Variants in KCND2 observed in about 807,000 individuals in gnomAD.
KCND2 encodes the protein potassium voltage-gated channel subfamily D member 2.
A neutral mutation model predicts 54.4 loss-of-function variants in KCND2; 16 were observed. That is an observed-to-expected ratio of 0.29 (90% CI 0.20 to 0.45). The LOEUF (loss-of-function observed/expected upper bound fraction) is 0.45. KCND2 is among the 20% of genes least tolerant of loss of function. The probability of loss-of-function intolerance (pLI) is 1.00; values close to 1 mark genes in which losing one functional copy is unlikely to be tolerated. For missense variants in KCND2, 486 were observed against 824.2 expected (o/e 0.59, Z 5.02); for synonymous variants, 317 against 310.7 (o/e 1.02, Z -0.21).
chr7:120,446,559 CACACAT>C (rs3067071), intron 1 of KCND2, among the ~76,000 whole-genome samples: 39,155 of 151,060 alleles, frequency 0.26, 7,025 homozygotes, highest in East Asian at 0.55. Flanking sequence ...CACACACACA[CACACAT>C]ACACATACAC....
At chr7:120,566,811 GAC>G (rs1792304561) in intron 1 of KCND2, among the ~76,000 whole-genome samples, 1 of 151,586 alleles carries the variant, frequency 6.6e-6, no homozygotes, top group Non-Finnish European at 1.5e-5. Flanking sequence ...TTTTTGTTAA[GAC>G]ACTGTTAATT....
chr7:120,307,802 G>A (rs141443472), intron 1 of KCND2, among the ~76,000 whole-genome samples: 4,020 of 152,166 alleles, frequency 0.026, 81 homozygotes, highest in Middle Eastern at 0.058. Context: ...ACTAGACACC[G>A]TGAATATTCT....
intron 1 of KCND2, among the ~76,000 whole-genome samples, chr7:120,298,101 T>C (rs1799535971): frequency 6.6e-6 from 1 of 152,204 alleles, no homozygotes; most frequent in African/African-American, 2.4e-5. Flanking sequence ...GCTGCTATGT[T>C]GGATAGATCC....
intron 1 of KCND2, among the ~76,000 whole-genome samples, chr7:120,314,328 A>AT (rs1799782491): frequency 6.7e-6 from 1 of 148,978 alleles, no homozygotes; most frequent in Admixed American, 6.6e-5. Context: ...GCAAGACTCC[A>AT]TCTCAAAAAA....
intron 1 of KCND2, among the ~76,000 whole-genome samples, chr7:120,443,588 A>T (rs1398818855): frequency 6.6e-6 from 1 of 151,928 alleles, no homozygotes; most frequent in African/African-American, 2.4e-5. Context: ...TTCTTGAATC[A>T]TATGATTCCT....
chr7:120,625,256 T>G (rs940645517), intron 1 of KCND2, among the ~76,000 whole-genome samples: 2 of 152,118 alleles, frequency 1.3e-5, no homozygotes, highest in Non-Finnish European at 2.9e-5. Context: ...AAAAACATAG[T>G]AAAATAGCAA....
intron 1 of KCND2, among the ~76,000 whole-genome samples, chr7:120,631,434 T>G (rs969899428): frequency 6.6e-6 from 1 of 152,080 alleles, no homozygotes; most frequent in Admixed American, 6.6e-5. Flanking sequence ...TTGTGAAGGC[T>G]TAAGATAATG....
intron 1 of KCND2, among the ~76,000 whole-genome samples, chr7:120,717,825 C>G (rs148792843): frequency 6.6e-6 from 1 of 152,176 alleles, no homozygotes; most frequent in East Asian, 1.9e-4. Flanking sequence ...AGGAATCCTA[C>G]CATCATTTCT....
intron 1 of KCND2, among the ~76,000 whole-genome samples, chr7:120,443,200 G>T (rs542251033): frequency 1.7e-4 from 26 of 151,996 alleles, no homozygotes; most frequent in African/African-American, 6.3e-4. Context: ...GTCCCTCAAG[G>T]CAAAGTTACT....
At chr7:120,745,356 C>A (rs1002422479) in intron 4 of KCND2, among the ~76,000 whole-genome samples, 2 of 152,068 alleles carry the variant, frequency 1.3e-5, no homozygotes, top group African/African-American at 4.8e-5. Context: ...TAACTTGGGG[C>A]ATCCTATTAA....
intron 1 of KCND2, among the ~76,000 whole-genome samples, chr7:120,346,208 G>A (rs1227131027): frequency 6.6e-6 from 1 of 152,074 alleles, no homozygotes; most frequent in Non-Finnish European, 1.5e-5. Context: ...GAGCTGCAGG[G>A]ATCCTTTATA....
intron 1 of KCND2, among the ~76,000 whole-genome samples, chr7:120,434,899 T>C (rs1801844219): frequency 6.6e-6 from 1 of 152,000 alleles, no homozygotes; most frequent in South Asian, 2.1e-4. Flanking sequence ...GTGATCATTG[T>C]CCATTAGTAG....
intron 1 of KCND2, among the ~76,000 whole-genome samples, chr7:120,428,639 T>C (rs1173795386): frequency 6.6e-6 from 1 of 152,158 alleles, no homozygotes; most frequent in African/African-American, 2.4e-5. Context: ...ACTTTGGACT[T>C]TATACTAAGG....
chr7:120,629,287 A>G (rs1793199688), intron 1 of KCND2, among the ~76,000 whole-genome samples: 2 of 152,172 alleles, frequency 1.3e-5, no homozygotes, highest in African/African-American at 2.4e-5. Context: ...GGAGATTGAG[A>G]CTATGCTTGG....
chr7:120,692,319 A>G (rs1261631758), intron 1 of KCND2, among the ~76,000 whole-genome samples: 1 of 152,246 alleles, frequency 6.6e-6, no homozygotes. Context: ...GGCAACTTCC[A>G]AAATGATGGT....
intron 1 of KCND2, among the ~76,000 whole-genome samples, chr7:120,601,469 G>A (rs951800029): frequency 1.3e-5 from 2 of 151,642 alleles, no homozygotes; most frequent in Admixed American, 6.6e-5. Context: ...TAAGTAAGGC[G>A]TTTTTTTTGT....
At chr7:120,658,085 A>G (rs1383207731) in intron 1 of KCND2, among the ~76,000 whole-genome samples, 2 of 152,182 alleles carry the variant, frequency 1.3e-5, no homozygotes, top group African/African-American at 4.8e-5. Context: ...TAATTAATCC[A>G]AATTTCCACC....
intron 1 of KCND2, among the ~76,000 whole-genome samples, chr7:120,315,431 C>T (rs1363311034): frequency 6.6e-6 from 1 of 152,086 alleles, no homozygotes; most frequent in African/African-American, 2.4e-5. Context: ...TAGGGTAACA[C>T]AGTGGAACCG....
At chr7:120,547,972 A>G (rs1240938167) in intron 1 of KCND2, among the ~76,000 whole-genome samples, 1 of 152,070 alleles carries the variant, frequency 6.6e-6, no homozygotes, top group Admixed American at 6.6e-5. Context: ...AACATGTTGT[A>G]TATCAGAGAC....
Sources: gnomAD v4.1 joint callset for allele counts (sites outside exome capture counted in the v4.1 genomes callset) on GRCh38, gnomAD v4.1.1 for gene constraint, MANE v1.5 for transcripts, NCBI Gene and HGNC (gene_info 2026-07-23, HGNC 2026-07-21) for gene names.